SPTLC2: variants seen among roughly 807,000 people sequenced by gnomAD.
SPTLC2 encodes the protein serine palmitoyltransferase long chain base subunit 2, also known as serine palmitoyltransferase 2.
Under a neutral mutation model 62.0 loss-of-function variants are expected in SPTLC2, and 21 were observed. That is an observed-to-expected ratio of 0.34 (90% CI 0.24 to 0.49). SPTLC2 has a LOEUF of 0.49. Among genes scored for constraint, SPTLC2 ranks in the 20% least tolerant of loss-of-function variants. The pLI is 0.99. For synonymous variants in SPTLC2, 261 were observed against 261.8 expected (o/e 1.00, Z 0.03); for missense variants, 511 against 713.0 (o/e 0.72, Z 3.23).
chr14:77,525,945 T>C (rs1188149491), intron 9 of SPTLC2, among the ~76,000 whole-genome samples: 1 of 152,026 alleles, frequency 6.6e-6, no homozygotes, highest in African/African-American at 2.4e-5. Flanking sequence ...TAAAGTGGCC[T>C]GTTATCCTTT....
At chr14:77,606,310 C>A (rs893278758) in intron 1 of SPTLC2, among the ~76,000 whole-genome samples, 8 of 151,822 alleles carry the variant, frequency 5.3e-5, no homozygotes, top group African/African-American at 1.7e-4. Flanking sequence ...CCAGCCTGGG[C>A]AACAGAGCGA....
chr14:77,547,281 G>T (rs998129181), intron 9 of SPTLC2, among the ~76,000 whole-genome samples: 7 of 152,018 alleles, frequency 4.6e-5, no homozygotes, highest in African/African-American at 1.7e-4. Context: ...TCTACTGTGG[G>T]TAAGAACAAA....
chr14:77,577,578 G>T (rs568669432), intron 3 of SPTLC2, among the ~76,000 whole-genome samples: 2 of 152,258 alleles, frequency 1.3e-5, no homozygotes, highest in Admixed American at 1.3e-4. Flanking sequence ...ATGAGAAGGG[G>T]TGTCACTGAT....
At chr14:77,556,758 C>T (rs1359137905) in intron 7 of SPTLC2, among the ~76,000 whole-genome samples, 1 of 152,040 alleles carries the variant, frequency 6.6e-6, no homozygotes, top group Non-Finnish European at 1.5e-5. Context: ...ATATATATTC[C>T]AATTCTTGCC....
At chr14:77,585,971 C>T (rs2079778622) in intron 2 of SPTLC2, among the ~76,000 whole-genome samples, 1 of 152,128 alleles carries the variant, frequency 6.6e-6, no homozygotes, top group Non-Finnish European at 1.5e-5. Context: ...TTAATACATT[C>T]CTGGTGGACA....
chr14:77,520,015 G>A (rs1158073648), intron 10 of SPTLC2, among the ~76,000 whole-genome samples: 1 of 151,870 alleles, frequency 6.6e-6, no homozygotes, highest in Non-Finnish European at 1.5e-5. Flanking sequence ...ATACAGAGTT[G>A]TTTTCCTTAT....
intron 6 of SPTLC2, among the ~76,000 whole-genome samples, chr14:77,558,029 G>A (rs2079594224): frequency 6.6e-6 from 1 of 151,072 alleles, no homozygotes; most frequent in Admixed American, 6.7e-5. Context: ...TAATAGGGGT[G>A]GGAGACATCC....
At position 77,531,507 on chromosome 14, in the gene SPTLC2, C is replaced by CT. The variant is rs1555373788; in HGVS notation, c.1304-9927dup. 3.2e-3 allele frequency among the ~76,000 whole-genome samples: 211 copies of CT among 65,222 alleles called. 1 individual carries two copies. Among genetic ancestry groups the CT allele is most frequent in the African/African-American group, 9.0e-3 (133 of 14,716 alleles). The allele number at this position is 65,222 out of a possible 152,430, so 42.8% of individuals were successfully genotyped here. A position where few individuals can be genotyped will look rare whatever the true frequency, so the allele number is the denominator to read the frequency against. Reference sequence around the variant, plus strand: ...CCTCCTCCTCCTCCTCCTCCTCCTCCTCTTCTTCTTCTTCTTCTTTTTTGT... The same window carrying CT: ...CCTCCTCCTCCTCCTCCTCCTCCTCCTTCTTCTTCTTCTTCTTCTTTTTTGT... On this transcript the variant is annotated intron_variant, in intron 9 of 11. Transcript: ENST00000216484.
intron 1 of SPTLC2, among the ~76,000 whole-genome samples, chr14:77,613,165 T>C (rs1484090524): frequency 3.3e-5 from 5 of 152,340 alleles, no homozygotes; most frequent in East Asian, 3.9e-4. Context: ...ATTAAGATCA[T>C]GGAATAATAA....
chr14:77,571,212 T>A lies in SPTLC2; in HGVS notation c.632-704A>T, dbSNP rs142116297. Among the ~76,000 whole-genome samples the A allele has an allele frequency of 2.0e-5, 3 of 152,266 alleles. No individual in the cohort carries two copies. The East Asian group carries it at 5.8e-4, about 29-fold the overall frequency. The stretch of plus-strand genomic sequence containing the variant: ...GGTTTGTTATACAGCAAAAGATAGG[T>A]AAAAACGTTTCTTCCTGGCAGGGTG... On this transcript the variant is annotated intron_variant, in intron 4 of 11. Coordinates refer to ENST00000216484, the MANE Select transcript of SPTLC2 (RefSeq NM_004863.4).
chr14:77,529,365 T>C (rs1298065239), intron 9 of SPTLC2, among the ~76,000 whole-genome samples: 1 of 147,424 alleles, frequency 6.8e-6, no homozygotes, highest in Non-Finnish European at 1.5e-5. Flanking sequence ...ACCCTTGATG[T>C]TTACTTTGCC....
At chr14:77,600,728 G>T (rs1414329084) in intron 1 of SPTLC2, among the ~76,000 whole-genome samples, 1 of 152,118 alleles carries the variant, frequency 6.6e-6, no homozygotes, top group African/African-American at 2.4e-5. Context: ...GGAATATCAA[G>T]AAATGTTTGC....
At position 77,521,497 on chromosome 14, in the gene SPTLC2, TTTCCATAGA is replaced by T; in HGVS notation, c.1379_1387del (p.Ile460_Gly462del). ...CAAAGGCACTACTGGAGAGTCTTCA[TTTCCATAGA>T]TGATGAAGCCCATCTCTTTCAGGCG... On this transcript the variant is annotated inframe_deletion, in exon 10 of 12. Transcript: ENST00000216484. 1 of 1,614,184 alleles carries T rather than the reference TTTCCATAGA, an allele frequency of 6.2e-7. No homozygotes were observed. The highest frequency in any genetic ancestry group is 8.5e-7 in the Non-Finnish European group (1 of 1,180,020).
intron 9 of SPTLC2, chr14:77,535,519 A>G (rs8003293): frequency 0.96 from 148,757 of 154,794 alleles, 71,775 homozygotes; most frequent in East Asian, 1. Context: ...GAAGATGGTG[A>G]CTTGGATGAA....
At chr14:77,607,328 G>A (rs2079910634) in intron 1 of SPTLC2, among the ~76,000 whole-genome samples, 1 of 152,178 alleles carries the variant, frequency 6.6e-6, no homozygotes, top group African/African-American at 2.4e-5. Flanking sequence ...TGGAACTAGA[G>A]TCCAATTATT....
chr14:77,613,828 A>C (rs2079950735), intron 1 of SPTLC2, among the ~76,000 whole-genome samples: 1 of 152,242 alleles, frequency 6.6e-6, no homozygotes, highest in African/African-American at 2.4e-5. Flanking sequence ...GTTGGAGCAC[A>C]AGCACATCGC....
chr14:77,569,081 C>T (rs1309600244), intron 5 of SPTLC2, among the ~76,000 whole-genome samples: 1 of 150,672 alleles, frequency 6.6e-6, no homozygotes, highest in Non-Finnish European at 1.5e-5. Context: ...AAAATTATAA[C>T]CTCTTGATGA....
At chr14:77,576,695 A>G in intron 4 of SPTLC2, 72 bp downstream of exon 4, 1 of 1,596,150 alleles carries the variant, frequency 6.3e-7, no homozygotes, top group Non-Finnish European at 8.6e-7. Flanking sequence ...CTCTAGGTCA[A>G]TATTACTATT....
chr14:77,604,378 T>C (rs1390369930), intron 1 of SPTLC2, among the ~76,000 whole-genome samples: 3 of 152,196 alleles, frequency 2.0e-5, no homozygotes, highest in African/African-American at 7.2e-5. Flanking sequence ...ATCCCATTTT[T>C]GTATACCTAT....
Sources: allele counts gnomAD v4.1 joint callset (sites outside exome capture counted in the v4.1 genomes callset), GRCh38; gene constraint gnomAD v4.1.1; transcripts MANE v1.5; gene names NCBI Gene and HGNC (gene_info 2026-07-23, HGNC 2026-07-21).